Variants in CERK observed in about 807,000 individuals in gnomAD.
CERK encodes the protein ceramide kinase, also known as acylsphingosine kinase.
A neutral mutation model predicts 63.4 loss-of-function variants in CERK; 39 were observed. The ratio of observed to expected loss-of-function variants is 0.61; its 90% CI spans 0.48 to 0.80. The LOEUF (loss-of-function observed/expected upper bound fraction) is 0.80, where lower values mean the gene tolerates loss of function less well. Ranked by LOEUF, CERK falls within the 30% of genes least tolerant of loss-of-function variation. The pLI, the probability that CERK is intolerant of heterozygous loss-of-function variation, is 0.00. For missense variants in CERK, 670 were observed against 714.1 expected (o/e 0.94, Z 0.70); for synonymous variants, 302 against 280.0 (o/e 1.08, Z -0.78).
intron 3 of CERK, 114 bp from the exon 4 acceptor site, chr22:46,712,407 G>T: frequency 1.2e-6 from 1 of 850,244 alleles, no homozygotes; most frequent in Non-Finnish European, 1.8e-6. Context: ...AGTATTACCT[G>T]ATGGAAAGTA....
chr22:46,720,686 ACT>A (rs1025914678), intron 2 of CERK, among the ~76,000 whole-genome samples: 1 of 152,022 alleles, frequency 6.6e-6, no homozygotes, highest in Non-Finnish European at 1.5e-5. Context: ...CAAGAGCAAA[ACT>A]CTGTCTCAAA....
chr22:46,732,773 G>A (rs1446770359), intron 1 of CERK, among the ~76,000 whole-genome samples: 2 of 151,970 alleles, frequency 1.3e-5, no homozygotes, highest in East Asian at 1.9e-4. Context: ...TCATTGCCTT[G>A]GGTCAGTATC....
intron 1 of CERK, among the ~76,000 whole-genome samples, chr22:46,732,389 C>T (rs2082949643): frequency 6.8e-6 from 1 of 147,704 alleles, no homozygotes; most frequent in South Asian, 2.2e-4. Flanking sequence ...TCATAGAAAA[C>T]GCTGTTATGC....
intron 6 of CERK, among the ~76,000 whole-genome samples, chr22:46,702,888 T>C (rs2082794471): frequency 6.6e-6 from 1 of 152,192 alleles, no homozygotes; most frequent in African/African-American, 2.4e-5. Context: ...GTGCTGGTTC[T>C]CAACATTCCC....
chr22:46,727,293 T>G (rs1276944921), intron 1 of CERK, among the ~76,000 whole-genome samples: 4 of 152,028 alleles, frequency 2.6e-5, no homozygotes, highest in African/African-American at 7.2e-5. Flanking sequence ...TCTTCTTTTT[T>G]TTTTTGAGAC....
intron 1 of CERK, among the ~76,000 whole-genome samples, chr22:46,723,859 G>A (rs539651812): frequency 6.6e-6 from 1 of 152,048 alleles, no homozygotes; most frequent in African/African-American, 2.4e-5. Flanking sequence ...CACCGCACCC[G>A]GCTAACTTTT....
chr22:46,691,826 C>G, intron 10 of CERK, 49 bp from the exon 11 acceptor site: 1 of 1,531,384 alleles, frequency 6.5e-7, no homozygotes, highest in Non-Finnish European at 8.9e-7. Flanking sequence ...TGGCGCCGGG[C>G]AGCGCCCTGC....
At chr22:46,707,419 C>T (rs942626443) in intron 6 of CERK, among the ~76,000 whole-genome samples, 7 of 152,200 alleles carry the variant, frequency 4.6e-5, no homozygotes, top group African/African-American at 1.7e-4. Flanking sequence ...GTTCCGCCCC[C>T]ACCTTTCCCA....
At chr22:46,709,294 C>G (rs966093557) in intron 5 of CERK, among the ~76,000 whole-genome samples, 2 of 152,220 alleles carry the variant, frequency 1.3e-5, no homozygotes, top group African/African-American at 4.8e-5. Flanking sequence ...CGAGGCTGAT[C>G]CCTTGGCTAG....
At position 46,713,524 on chromosome 22, in the gene CERK, A is replaced by C. The variant is rs868290159; in HGVS notation, c.380-1231T>G. On this transcript the variant is annotated intron_variant, in intron 3 of 12. Coordinates refer to ENST00000216264, the MANE Select transcript of CERK (RefSeq NM_022766.6). ...ACTTCATCTCAAAAAAAAAAAAAAAAAAAAACAAACAAACAAAAAAACACA... is the reference window on the plus strand; with the variant it reads ...ACTTCATCTCAAAAAAAAAAAAAAACAAAAACAAACAAACAAAAAAACACA... Among the ~76,000 whole-genome samples, 11 of 149,018 alleles carry C rather than the reference A, an allele frequency of 7.4e-5. 1 individual carries two copies. The highest frequency in any genetic ancestry group is 1.7e-4 in the African/African-American group (7 of 40,284).
At chr22:46,693,631 A>C in intron 9 of CERK, 128 bp from the exon 10 acceptor site, 1 of 743,166 alleles carries the variant, frequency 1.3e-6, no homozygotes, top group South Asian at 1.6e-5. Context: ...GCTTAACAAA[A>C]TATTTTTTGG....
chr22:46,688,929 G>GA (rs1204660970), intron 12 of CERK, among the ~76,000 whole-genome samples: 2 of 152,240 alleles, frequency 1.3e-5, no homozygotes, highest in African/African-American at 4.8e-5. Context: ...GTGGCCTTTT[G>GA]AAAAAATCAA....
At chr22:46,708,360 G>C (rs1268808547) in intron 5 of CERK, among the ~76,000 whole-genome samples, 1 of 152,266 alleles carries the variant, frequency 6.6e-6, no homozygotes, top group African/African-American at 2.4e-5. Flanking sequence ...GGAGCAGAGA[G>C]GGTGCACTCC....
chr22:46,712,432 A>T, intron 3 of CERK, 139 bp from the exon 4 acceptor site: 1 of 773,802 alleles, frequency 1.3e-6, no homozygotes, highest in Non-Finnish European at 2.0e-6. Flanking sequence ...TAAATCTTAA[A>T]GAACAATGAC....
chr22:46,708,138 A>G (rs2082823205), intron 5 of CERK, 150 bp from the exon 6 acceptor site: 2 of 864,558 alleles, frequency 2.3e-6, no homozygotes, highest in East Asian at 5.4e-5. Context: ...TCCCTAAGTG[A>G]TAAGGTCGTG....
At chr22:46,728,809 A>C (rs1479085149) in intron 1 of CERK, among the ~76,000 whole-genome samples, 1 of 152,166 alleles carries the variant, frequency 6.6e-6, no homozygotes, top group African/African-American at 2.4e-5. Context: ...GGGACGTCTG[A>C]GCTATGGGGC....
At chr22:46,708,499 G>A (rs1287019413) in intron 5 of CERK, among the ~76,000 whole-genome samples, 1 of 152,236 alleles carries the variant, frequency 6.6e-6, no homozygotes, top group Non-Finnish European at 1.5e-5. Flanking sequence ...AGCTCAGGCA[G>A]CAAATCACCA....
rs570576186 is a variant in CERK at position 46,720,874 on chromosome 22, T to C, written c.256+28A>G. 1.3e-5 allele frequency: 17 copies of C among 1,339,960 alleles called. No individual in the cohort carries two copies. The African/African-American group carries it at 2.4e-4, about 19-fold the overall frequency. 83.0% of individuals were successfully genotyped at this position (1,339,960 alleles called of 1,614,324 possible). A position where few individuals can be genotyped will look rare whatever the true frequency, so the allele number is the denominator to read the frequency against. On this transcript the variant is annotated intron_variant, in intron 2 of 12. Coordinates refer to ENST00000216264, the MANE Select transcript of CERK (RefSeq NM_022766.6). ...TAATCTACATAGAATTAATGAAGAA[T>C]GTGGGAGAAGACATTTAGGCTTATC...
intron 7 of CERK, among the ~76,000 whole-genome samples, chr22:46,701,152 G>A (rs985144472): frequency 6.6e-6 from 1 of 152,266 alleles, no homozygotes; most frequent in South Asian, 2.1e-4. Flanking sequence ...ACCGTGCTGA[G>A]TGCCATGGGC....
Sources: allele counts gnomAD v4.1 joint callset (sites outside exome capture counted in the v4.1 genomes callset), GRCh38; gene constraint gnomAD v4.1.1; transcripts MANE v1.5; gene names NCBI Gene and HGNC (gene_info 2026-07-23, HGNC 2026-07-21).